Variants in NDST4 observed in about 807,000 individuals in gnomAD.
The protein encoded by NDST4 is N-heparan sulfate sulfotransferase 4.
A neutral mutation model predicts 100.8 loss-of-function variants in NDST4; 63 were observed. The observed-to-expected ratio is 0.62, with a 90% CI of 0.51 to 0.77. The LOEUF (loss-of-function observed/expected upper bound fraction) is 0.77. NDST4 is among the 30% of genes least tolerant of loss of function. NDST4 has a pLI of 0.00. For synonymous variants in NDST4, 377 were observed against 361.8 expected (o/e 1.04, Z -0.48); for missense variants, 943 against 1,018.4 (o/e 0.93, Z 1.01).
At chr4:115,092,683 G>T (rs1169616363) in intron 1 of NDST4, among the ~76,000 whole-genome samples, 1 of 152,040 alleles carries the variant, frequency 6.6e-6, no homozygotes, top group Non-Finnish European at 1.5e-5. Flanking sequence ...GGTGTATATT[G>T]TAGTTTCTAG....
chr4:114,999,918 C>CA (rs1195100171), intron 2 of NDST4, among the ~76,000 whole-genome samples: 2 of 151,792 alleles, frequency 1.3e-5, no homozygotes, highest in Non-Finnish European at 1.5e-5. Context: ...CTATACTTAT[C>CA]AAAAAATCTT....
chr4:115,106,038 GCTT>G (rs1729826771), intron 1 of NDST4, among the ~76,000 whole-genome samples: 1 of 151,976 alleles, frequency 6.6e-6, no homozygotes, highest in Admixed American at 6.6e-5. Context: ...CCATCAAAAA[GCTT>G]TTGGATAAAT....
chr4:114,886,207 C>G (rs1257501195), intron 6 of NDST4, among the ~76,000 whole-genome samples: 1 of 152,042 alleles, frequency 6.6e-6, no homozygotes, highest in Admixed American at 6.6e-5. Flanking sequence ...CATTGGCAGA[C>G]AGTTTTTCAA....
In NDST4 at chr4:115,057,358, A is replaced by G. The variant is rs11946971; in HGVS notation, c.978+18701T>C. ...AAGGAGAAACAGAGCCAGAGAGAGA[A>G]AAGGAGAAAATGAGGGGAGAAAGAG... On this transcript the variant is annotated intron_variant, in intron 2 of 13. Coordinates refer to ENST00000264363, the MANE Select transcript of NDST4 (RefSeq NM_022569.3). Among the ~76,000 whole-genome samples the G allele has an allele frequency of 9.2e-3, 1,399 of 151,608 alleles. 29 individuals are homozygous for G. Among genetic ancestry groups the G allele is most frequent in the African/African-American group, 0.032 (1,336 of 41,220 alleles).
At chr4:115,098,554 AG>A (rs1465327615) in intron 1 of NDST4, among the ~76,000 whole-genome samples, 36 of 152,174 alleles carry the variant, frequency 2.4e-4, no homozygotes, top group African/African-American at 8.4e-4. Context: ...ACAAAGTTGG[AG>A]GATAGATACT....
At chr4:115,014,334 C>T (rs10030883) in intron 2 of NDST4, among the ~76,000 whole-genome samples, 67,866 of 151,844 alleles carry the variant, frequency 0.45, 16,703 homozygotes, top group Non-Finnish European at 0.58. Flanking sequence ...ATTGATTAGA[C>T]CTAACGAACT....
At chr4:115,067,209 G>C (rs968174720) in intron 2 of NDST4, among the ~76,000 whole-genome samples, 2 of 151,986 alleles carry the variant, frequency 1.3e-5, no homozygotes, top group African/African-American at 4.8e-5. Context: ...TTGCTGCCTG[G>C]ACTCCTTTGC....
chr4:114,840,367 T>C (rs1723399998), intron 10 of NDST4, among the ~76,000 whole-genome samples: 1 of 152,144 alleles, frequency 6.6e-6, no homozygotes, highest in Non-Finnish European at 1.5e-5. Flanking sequence ...AGATCTGAGA[T>C]AGATCCTGGA....
intron 3 of NDST4, among the ~76,000 whole-genome samples, chr4:114,975,109 C>T (rs137928293): frequency 1.4e-4 from 22 of 152,140 alleles, no homozygotes; most frequent in African/African-American, 4.6e-4. Flanking sequence ...GGGTAAGGCA[C>T]GTCTTTCTGA....
chr4:115,033,150 TATA>T (rs1272400650), intron 2 of NDST4, among the ~76,000 whole-genome samples: 76 of 119,306 alleles, frequency 6.4e-4, no homozygotes, highest in African/African-American at 2.3e-3. Context: ...TATATATATA[TATA>T]TATATTTTTT....
chr4:114,961,195 GC>G (rs1726255168), intron 4 of NDST4, among the ~76,000 whole-genome samples: 1 of 151,956 alleles, frequency 6.6e-6, no homozygotes, highest in African/African-American at 2.4e-5. Context: ...AGAGGAAGCA[GC>G]AAAATTAGTG....
rs1454777240 is a variant in NDST4 at position 115,076,191 on chromosome 4, G to A, written c.846C>T (p.Leu282=). The change falls in exon 2 of 14, where the codon CTC becomes CTT. Residue 282 remains leucine (L), a synonymous_variant. Transcript: ENST00000264363. ...AGAAGGAGATGGCATCTATGAAGAT[G>A]AGCTTGTGCAGCCAAAAGTTCAAGT... is the stretch of plus-strand genomic sequence containing the variant. ...GNNLNFWLHK[L]IFIDAISFLS... The A allele has an allele frequency of 6.2e-7, 1 of 1,613,978 alleles. No individual in the cohort carries two copies. Among genetic ancestry groups the A allele is most frequent in the South Asian group, 1.1e-5 (1 of 91,082 alleles).
chr4:114,975,791 A>G (rs1055220523), intron 3 of NDST4, among the ~76,000 whole-genome samples: 1 of 152,122 alleles, frequency 6.6e-6, no homozygotes, highest in African/African-American at 2.4e-5. Context: ...CTGCATGAGT[A>G]GATATAGCCT....
chr4:115,083,519 A>G (rs1305158776), intron 1 of NDST4, among the ~76,000 whole-genome samples: 3 of 152,186 alleles, frequency 2.0e-5, no homozygotes, highest in Non-Finnish European at 4.4e-5. Flanking sequence ...CTATTTGTTC[A>G]TATACATTAA....
intron 6 of NDST4, among the ~76,000 whole-genome samples, chr4:114,916,519 C>T (rs1725170378): frequency 6.7e-6 from 1 of 148,254 alleles, no homozygotes; most frequent in South Asian, 2.1e-4. Flanking sequence ...TCAGATGTCA[C>T]ATTGTCCTGG....
intron 2 of NDST4, among the ~76,000 whole-genome samples, chr4:115,023,790 A>C (rs1249950521): frequency 1.3e-5 from 2 of 152,148 alleles, no homozygotes; most frequent in Non-Finnish European, 2.9e-5. Context: ...AATAGCACCA[A>C]AGGCATTACA....
intron 7 of NDST4, among the ~76,000 whole-genome samples, chr4:114,869,859 G>A (rs565498911): frequency 1.5e-4 from 23 of 152,250 alleles, no homozygotes; most frequent in African/African-American, 5.3e-4. Context: ...ACATGTGTTG[G>A]ATGTATTTCT....
intron 2 of NDST4, among the ~76,000 whole-genome samples, chr4:114,979,866 T>C (rs910825494): frequency 1.3e-4 from 20 of 152,038 alleles, no homozygotes; most frequent in Non-Finnish European, 2.9e-4. Context: ...AAAGCAAATC[T>C]TAAAAAGTTT....
At chr4:114,947,486 A>G (rs935346688) in intron 4 of NDST4, among the ~76,000 whole-genome samples, 3 of 152,100 alleles carry the variant, frequency 2.0e-5, no homozygotes, top group Non-Finnish European at 2.9e-5. Flanking sequence ...AGATGTTTTT[A>G]TATTTAATTT....
Sources: allele counts gnomAD v4.1 joint callset (sites outside exome capture counted in the v4.1 genomes callset), GRCh38; gene constraint gnomAD v4.1.1; transcripts MANE v1.5; gene names NCBI Gene and HGNC (gene_info 2026-07-23, HGNC 2026-07-21).